MICALL1: variants seen among roughly 807,000 people sequenced by gnomAD.
The protein encoded by MICALL1 is MICAL like 1, also known as MICAL-like protein 1.
A neutral mutation model predicts 83.7 loss-of-function variants in MICALL1; 61 were observed. The ratio of observed to expected loss-of-function variants is 0.73; its 90% confidence interval spans 0.59 to 0.90. MICALL1 has a LOEUF of 0.90. Among genes scored for constraint, MICALL1 ranks in the 40% least tolerant of loss-of-function variants. The probability of loss-of-function intolerance (pLI) is 0.00; values close to 1 mark genes in which losing one functional copy is unlikely to be tolerated. For missense variants in MICALL1, 1,066 were observed against 1,152.0 expected (o/e 0.93, Z 1.08); for synonymous variants, 481 against 473.6 (o/e 1.02, Z -0.20).
Position 37,924,853 on chromosome 22 carries a change from C to T in MICALL1, c.1082+136C>T. The stretch of plus-strand genomic sequence containing the variant: ...CTCAGGAGGGGAAGGAGAGCTGGGC[C>T]CACACCCCTTCTCCTGAGGCTCACC... On this transcript the variant is annotated intron_variant, in intron 7 of 15. Transcript: ENST00000215957. The surrounding 1 kb of genome is among the most constrained non-coding windows in gnomAD (Gnocchi z 5.2). 1.3e-6 allele frequency: 1 copy of T among 787,912 alleles called. No individual in the cohort carries two copies. Among genetic ancestry groups the T allele is most frequent in the Non-Finnish European group, 2.0e-6 (1 of 504,850 alleles). The allele number at this position is 787,912 out of a possible 1,614,324, so 48.8% of individuals were successfully genotyped here. A position where few individuals can be genotyped will look rare whatever the true frequency, so the allele number is the denominator to read the frequency against.
At position 37,937,106 on chromosome 22, in the gene MICALL1, GC is replaced by G. The variant is rs1248598071; in HGVS notation, c.2338del (p.Arg780GlyfsTer5). 1.3e-6 allele frequency: 2 copies of G among 1,551,648 alleles called. No homozygotes were observed. Among genetic ancestry groups the G allele is most frequent in the East Asian group, 4.9e-5 (2 of 40,898 alleles). ...AAAGGACTGGACGGAGGAGGACCGGGCCCGGGAGAAGGTGCTGATGCAGGAG... is the reference window on the plus strand; with the variant it reads ...AAAGGACTGGACGGAGGAGGACCGGGCCGGGAGAAGGTGCTGATGCAGGAG... ...PEKDWTEEDR[A>X]REKVLMQELV... On this transcript the variant is annotated frameshift_variant, in exon 14 of 16. Transcript: ENST00000215957. LOFTEE classifies it high-confidence loss of function.
At position 37,932,883 on chromosome 22, in the gene MICALL1, CTA is replaced by C. The variant is rs1329254272; in HGVS notation, c.2231_2232del (p.Tyr744CysfsTer13). 11 of 1,613,996 alleles carry C rather than the reference CTA, an allele frequency of 6.8e-6. No homozygotes were observed. The highest frequency in any genetic ancestry group is 1.3e-5 in the African/African-American group (1 of 74,912). ...LLVRRESELI[Y>X]VFKQQNLEQR... ...TGGTGCGGCGAGAGTCCGAGCTCAT[CTA>C]TGTGTGAGTCCCCCCGCCTGGGGCA... is the stretch of plus-strand genomic sequence containing the variant. On this transcript the variant is annotated frameshift_variant, in exon 12 of 16. Transcript: ENST00000215957. LOFTEE classifies it high-confidence loss of function. This position sits in a 1 kb window ranked among gnomAD's most constrained non-coding sequence, Gnocchi z 4.4.
chr22:37,923,205 A>G (rs1321094779), intron 6 of MICALL1, among the ~76,000 whole-genome samples: 2 of 151,248 alleles, frequency 1.3e-5, no homozygotes, highest in Non-Finnish European at 2.9e-5. Context: ...TGCTGGGAGT[A>G]CAGGCATGAG....
intron 3 of MICALL1, among the ~76,000 whole-genome samples, chr22:37,917,183 G>A (rs1319874349): frequency 6.6e-6 from 1 of 152,132 alleles, no homozygotes. Context: ...GAGGAGCTGA[G>A]TCTTAGAGGA....
At chr22:37,909,204 C>T (rs1928158246) in intron 1 of MICALL1, among the ~76,000 whole-genome samples, 2 of 152,232 alleles carry the variant, frequency 1.3e-5, no homozygotes, top group South Asian at 4.1e-4. Context: ...AGGCACGCAC[C>T]ACCATGCCTG....
chr22:37,928,608 T>C (rs1929622737), intron 9 of MICALL1, among the ~76,000 whole-genome samples: 1 of 152,222 alleles, frequency 6.6e-6, no homozygotes, highest in Non-Finnish European at 1.5e-5. Flanking sequence ...CAAACCCGTC[T>C]GTCCATGCTT....
intron 8 of MICALL1, chr22:37,927,085 G>A (rs971666653): frequency 2.7e-6 from 1 of 364,674 alleles, no homozygotes; most frequent in Admixed American, 4.2e-5. Flanking sequence ...TGCAGATCAG[G>A]GGCAGAGGAG....
At chr22:37,936,573 T>G (rs1208079361) in intron 13 of MICALL1, among the ~76,000 whole-genome samples, 1 of 152,204 alleles carries the variant, frequency 6.6e-6, no homozygotes, top group Non-Finnish European at 1.5e-5. Flanking sequence ...TGGTCTCTTC[T>G]GTCACAACTT....
At chr22:37,937,216 G>T (rs757327442) in intron 14 of MICALL1, 22 bp downstream of exon 14, 1 of 1,535,748 alleles carries the variant, frequency 6.5e-7, no homozygotes, top group South Asian at 1.2e-5. Flanking sequence ...AGGGGTGGGG[G>T]GTCCTGGGGG....
intron 3 of MICALL1, among the ~76,000 whole-genome samples, chr22:37,917,155 A>G (rs1928730664): frequency 6.6e-6 from 1 of 152,140 alleles, no homozygotes; most frequent in Non-Finnish European, 1.5e-5. Flanking sequence ...TATAGACGTG[A>G]GCCACTGTGC....
rs540368141 is a variant in MICALL1, at chr22:37,932,025, T to C, written c.2016+92T>C. 3.9e-6 allele frequency: 6 copies of C among 1,529,648 alleles called. No homozygotes were observed. The South Asian group carries it at 7.4e-5, about 19-fold the overall frequency. The allele number at this position is 1,529,648 out of a possible 1,614,324, so 94.8% of individuals were successfully genotyped here. On this transcript the variant is annotated intron_variant, in intron 10 of 15. Transcript: ENST00000215957. This position sits in a 1 kb window ranked among gnomAD's most constrained non-coding sequence, Gnocchi z 4.4. ...TCTTCCCCTGGGACTCTAAGGAGGC[T>C]GGCTGGCTAGGCAGTGGGCCTCAGA... is the stretch of plus-strand genomic sequence containing the variant.
intron 6 of MICALL1, among the ~76,000 whole-genome samples, chr22:37,923,728 C>T (rs1025063207): frequency 2.6e-5 from 4 of 152,178 alleles, no homozygotes; most frequent in Admixed American, 6.6e-5. Context: ...TGCATGTGCC[C>T]GTGTGTCCCC....
Position 37,932,723 on chromosome 22 carries a change from AG to A in MICALL1, c.2143+46del. The A allele has an allele frequency of 6.2e-7, 1 of 1,611,574 alleles. No homozygotes were observed. The highest frequency in any genetic ancestry group is 8.5e-7 in the Non-Finnish European group (1 of 1,179,078). On this transcript the variant is annotated intron_variant, in intron 11 of 15. Coordinates refer to ENST00000215957, the MANE Select transcript of MICALL1 (RefSeq NM_033386.4). This position sits in a 1 kb window ranked among gnomAD's most constrained non-coding sequence, Gnocchi z 4.4. ...GGGCCTGCTGGGTGGGGCTGGGGGCAGGAGCCTCTATTCCCCGGGGAACTGA... is the reference window on the plus strand; with the variant it reads ...GGGCCTGCTGGGTGGGGCTGGGGGCAGAGCCTCTATTCCCCGGGGAACTGA...
At chr22:37,917,889 G>T in intron 4 of MICALL1, 94 bp downstream of exon 4, 1 of 1,132,370 alleles carries the variant, frequency 8.8e-7, no homozygotes, top group South Asian at 1.2e-5. Flanking sequence ...ATGTGAGGAA[G>T]TTAGCCCTGA....
At chr22:37,908,632 A>G (rs1928118126) in intron 1 of MICALL1, among the ~76,000 whole-genome samples, 1 of 151,998 alleles carries the variant, frequency 6.6e-6, no homozygotes, top group Admixed American at 6.5e-5. Context: ...CATTTATTCA[A>G]CCAGTATTTG....
At position 37,932,847 on chromosome 22, in the gene MICALL1, G is replaced by C. The variant is rs1322410698; in HGVS notation, c.2193G>C (p.Glu731Asp). 17 of 1,614,014 alleles carry C rather than the reference G, an allele frequency of 1.1e-5. No homozygotes were observed. The highest frequency in any genetic ancestry group is 3.3e-4 in the Middle Eastern group (2 of 6,084). The change falls in exon 12 of 16, where the codon GAG becomes GAC. Residue 731 changes from glutamate (E) to aspartate (D), a missense_variant. Transcript: ENST00000215957. This position sits in a 1 kb window ranked among gnomAD's most constrained non-coding sequence, Gnocchi z 4.4. Reference protein sequence around the residue: ...MLVDWFKLIHEKHLLVRRESE... With the variant: ...MLVDWFKLIHDKHLLVRRESE... ...TGGACTGGTTCAAGCTCATCCACGA[G>C]AAGCACCTACTGGTGCGGCGAGAGT...
chr22:37,926,023 C>T lies in MICALL1; in HGVS notation c.1445C>T (p.Ala482Val). 1 of 1,606,598 alleles carries T rather than the reference C, an allele frequency of 6.2e-7. No individual in the cohort carries two copies. The highest frequency in any genetic ancestry group is 8.5e-7 in the Non-Finnish European group (1 of 1,175,646). The change falls in exon 8 of 16, where the codon GCA becomes GTA. Residue 482 changes from alanine to valine, a missense_variant. Coordinates refer to ENST00000215957, the MANE Select transcript of MICALL1 (RefSeq NM_033386.4). ...PKTKKRPAPRAPSASPLALHA... is the reference protein window; with the variant it reads ...PKTKKRPAPRVPSASPLALHA... Reference sequence around the variant, plus strand: ...ACAAAGAAGCGCCCTGCCCCGCGCGCACCCAGCGCGTCCCCACTGGGTGAG... The same window carrying T: ...ACAAAGAAGCGCCCTGCCCCGCGCGTACCCAGCGCGTCCCCACTGGGTGAG...
Position 37,912,511 on chromosome 22 carries a change from G to T in MICALL1, c.337+19G>T. ...GGCCAAGGTGAGAGGGGGACTCAGC[G>T]TTTCACGGAGGCTGGCCCAGGGGGT... is the stretch of plus-strand genomic sequence containing the variant. On this transcript the variant is annotated intron_variant, in intron 3 of 15. Transcript: ENST00000215957. The T allele has an allele frequency of 1.3e-6, 2 of 1,577,532 alleles. No individual in the cohort carries two copies. The highest frequency in any genetic ancestry group is 8.7e-7 in the Non-Finnish European group (1 of 1,154,626).
chr22:37,929,417 G>T (rs905782864), intron 9 of MICALL1, among the ~76,000 whole-genome samples: 1 of 152,208 alleles, frequency 6.6e-6, no homozygotes, highest in African/African-American at 2.4e-5. Context: ...TGTGGAGTTT[G>T]TAGTGGGCAG....
Sources: allele counts gnomAD v4.1 joint callset (sites outside exome capture counted in the v4.1 genomes callset), GRCh38; gene constraint gnomAD v4.1.1; non-coding constraint Gnocchi (gnomAD v3.1); transcripts MANE v1.5; gene names NCBI Gene and HGNC (gene_info 2026-07-23, HGNC 2026-07-21).